Variants in ZNF804A observed in about 807,000 individuals in gnomAD.
The protein encoded by ZNF804A is zinc finger protein 804A.
ZNF804A carries 2 observed loss-of-function variants against 16.5 expected under a neutral mutation model. That is an observed-to-expected ratio of 0.12 (90% CI 0.05 to 0.38). The LOEUF is 0.38. ZNF804A is among the 10% of genes least tolerant of loss of function. The probability of loss-of-function intolerance (pLI) is 0.99; values close to 1 mark genes in which losing one functional copy is unlikely to be tolerated. For synonymous variants in ZNF804A, 534 were observed against 489.6 expected (o/e 1.09, Z -1.20); for missense variants, 1,473 against 1,390.7 (o/e 1.06, Z -0.94).
chr2:184,704,198 C>G (rs1393611462), intron 1 of ZNF804A, among the ~76,000 whole-genome samples: 2 of 150,878 alleles, frequency 1.3e-5, no homozygotes, highest in South Asian at 4.2e-4. Flanking sequence ...GTTGCCCAGG[C>G]TGGAGTGCAG....
chr2:184,937,001 T>C lies in ZNF804A; in HGVS notation c.1605T>C (p.Ser535=), dbSNP rs528983614. The C allele has an allele frequency of 1.9e-6, 3 of 1,613,420 alleles. No individual in the cohort carries two copies. Among genetic ancestry groups the C allele is most frequent in the East Asian group, 4.5e-5 (2 of 44,798 alleles). ...PLLADDILSS[S]CDSGKNENTG... is the part of the protein sequence containing the mutation. ...TGGCTGATGATATTCTCTCCAGTAG[T>C]TGTGATTCTGGAAAAAATGAGAACA... Residue 535 remains serine, a synonymous_variant, in exon 4 of 4, where the codon AGT becomes AGC. Transcript: ENST00000302277.
intron 1 of ZNF804A, among the ~76,000 whole-genome samples, chr2:184,626,451 T>A (rs1691501094): frequency 6.6e-6 from 1 of 152,170 alleles, no homozygotes; most frequent in Admixed American, 6.5e-5. Flanking sequence ...AAATCCACAT[T>A]TTTTCATAAA....
intron 1 of ZNF804A, among the ~76,000 whole-genome samples, chr2:184,842,768 T>G (rs1695457465): frequency 6.6e-6 from 1 of 152,076 alleles, no homozygotes; most frequent in African/African-American, 2.4e-5. Flanking sequence ...GAAATTTTAG[T>G]CTTGATAGAA....
intron 1 of ZNF804A, among the ~76,000 whole-genome samples, chr2:184,860,907 G>A (rs1695790465): frequency 6.6e-6 from 1 of 152,240 alleles, no homozygotes; most frequent in African/African-American, 2.4e-5. Flanking sequence ...GGTTGGCCTA[G>A]GGTATGGGCA....
intron 1 of ZNF804A, among the ~76,000 whole-genome samples, chr2:184,735,185 A>T (rs902674738): frequency 6.6e-5 from 10 of 152,132 alleles, no homozygotes; most frequent in South Asian, 6.2e-4. Flanking sequence ...TTGGATTTCT[A>T]TCTACCACTT....
At chr2:184,611,629 GA>G (rs1228481638) in intron 1 of ZNF804A, among the ~76,000 whole-genome samples, 1 of 151,984 alleles carries the variant, frequency 6.6e-6, no homozygotes, top group Non-Finnish European at 1.5e-5. Context: ...CTAGATTACT[GA>G]AGTTCTGAAG....
At chr2:184,795,372 A>T (rs1320638449) in intron 1 of ZNF804A, among the ~76,000 whole-genome samples, 1 of 152,152 alleles carries the variant, frequency 6.6e-6, no homozygotes, top group Non-Finnish European at 1.5e-5. Context: ...TTTGAACCAA[A>T]TGGCAATAGT....
intron 1 of ZNF804A, among the ~76,000 whole-genome samples, chr2:184,602,444 T>A (rs1479971391): frequency 4.6e-5 from 7 of 151,978 alleles, no homozygotes; most frequent in South Asian, 2.1e-4. Context: ...ATCTTCCATC[T>A]AATCTCATTC....
At chr2:184,851,640 A>G (rs1000354432) in intron 1 of ZNF804A, among the ~76,000 whole-genome samples, 1 of 151,980 alleles carries the variant, frequency 6.6e-6, no homozygotes, top group African/African-American at 2.4e-5. Flanking sequence ...TAATGCCACA[A>G]TAAATATTGA....
chr2:184,642,520 T>C (rs1691809581), intron 1 of ZNF804A, among the ~76,000 whole-genome samples: 1 of 152,198 alleles, frequency 6.6e-6, no homozygotes, highest in Non-Finnish European at 1.5e-5. Context: ...TTTTAAAAAT[T>C]CATTAGTCGG....
Position 184,882,430 on chromosome 2 carries a change from C to G in ZNF804A, c.255+15918C>G, listed in dbSNP as rs144853508. On this transcript the variant is annotated intron_variant, in intron 2 of 3. Transcript: ENST00000302277. The stretch of plus-strand genomic sequence containing the variant: ...ACAAAACTAACAAAGATATTCAGGA[C>G]TTGAACATAACATTTCACCAAATGG... 3.4e-3 allele frequency among the ~76,000 whole-genome samples: 514 copies of G among 152,110 alleles called. 2 individuals are homozygous for G. Among genetic ancestry groups the G allele is most frequent in the African/African-American group, 0.012 (485 of 41,538 alleles).
chr2:184,624,944 T>C (rs2105682474), intron 1 of ZNF804A, among the ~76,000 whole-genome samples: 1 of 152,300 alleles, frequency 6.6e-6, no homozygotes, highest in South Asian at 2.1e-4. Context: ...TCCAGTATTA[T>C]ATTACTTACA....
At chr2:184,882,188 G>A (rs1447907537) in intron 2 of ZNF804A, among the ~76,000 whole-genome samples, 1 of 151,886 alleles carries the variant, frequency 6.6e-6, no homozygotes, top group Non-Finnish European at 1.5e-5. Flanking sequence ...ATCAAAAAAA[G>A]ACAAAGAAGG....
At chr2:184,892,929 T>C (rs999593186) in intron 2 of ZNF804A, among the ~76,000 whole-genome samples, 3 of 152,164 alleles carry the variant, frequency 2.0e-5, no homozygotes, top group Admixed American at 1.3e-4. Context: ...ATATTGATGG[T>C]TTCATTGTTT....
At chr2:184,656,588 A>G (rs941886268) in intron 1 of ZNF804A, among the ~76,000 whole-genome samples, 30 of 152,186 alleles carry the variant, frequency 2.0e-4, no homozygotes, top group African/African-American at 7.2e-4. Context: ...GTTAAGGCAG[A>G]ATGTTGTATA....
chr2:184,709,716 C>T (rs893912366), intron 1 of ZNF804A, among the ~76,000 whole-genome samples: 1 of 151,098 alleles, frequency 6.6e-6, no homozygotes, highest in African/African-American at 2.4e-5. Context: ...ATGATTTTTG[C>T]ATATACTTTT....
At chr2:184,935,658 A>G in intron 3 of ZNF804A, 125 bp from the exon 4 acceptor site, 1 of 1,142,308 alleles carries the variant, frequency 8.8e-7, no homozygotes. Context: ...TATGAAGGCA[A>G]TTCTGTCACA....
At chr2:184,927,982 G>T (rs978026223) in intron 2 of ZNF804A, among the ~76,000 whole-genome samples, 31 of 152,192 alleles carry the variant, frequency 2.0e-4, no homozygotes, top group African/African-American at 7.2e-4. Flanking sequence ...CCCTGTGGCA[G>T]AGCTTGTAGC....
intron 2 of ZNF804A, among the ~76,000 whole-genome samples, chr2:184,927,671 G>A (rs923995887): frequency 1.3e-5 from 2 of 152,050 alleles, no homozygotes; most frequent in African/African-American, 2.4e-5. Flanking sequence ...TTGTACTGTC[G>A]CTGAGCTGGC....
Sources: gnomAD v4.1 joint callset for allele counts (sites outside exome capture counted in the v4.1 genomes callset) on GRCh38, gnomAD v4.1.1 for gene constraint, MANE v1.5 for transcripts, NCBI Gene and HGNC (gene_info 2026-07-23, HGNC 2026-07-21) for gene names.